TENM1: variants seen among roughly 807,000 people sequenced by gnomAD.
TENM1 encodes teneurin transmembrane protein 1, also known as teneurin-1.
Under a neutral mutation model 174.8 loss-of-function variants are expected in TENM1, and 35 were observed. That is an observed-to-expected ratio of 0.20 (90% CI 0.15 to 0.27). The LOEUF (loss-of-function observed/expected upper bound fraction) is 0.27. Among genes scored for constraint, TENM1 ranks in the 10% least tolerant of loss-of-function variants. The pLI is 1.00. For synonymous variants in TENM1, 781 were observed against 798.7 expected (o/e 0.98, Z 0.37); for missense variants, 1,633 against 2,130.1 (o/e 0.77, Z 4.59).
At chrX:124,471,396 A>AGT (rs2061321190) in intron 22 of TENM1, among the ~76,000 whole-genome samples, 1 of 28,544 alleles carries the variant, frequency 3.5e-5, no homozygotes, top group Non-Finnish European at 5.9e-5. Context: ...TACTATATAT[A>AGT]ATATATATTA....
intron 18 of TENM1, among the ~76,000 whole-genome samples, chrX:124,506,104 A>T (rs2047442191): frequency 1.8e-5 from 2 of 111,816 alleles, no homozygotes; most frequent in Non-Finnish European, 3.8e-5. Context: ...CCTTAAAGCC[A>T]TCATCTCCTT....
the TENM1 span, among the ~76,000 whole-genome samples, chrX:125,200,071 T>C: frequency 8.9e-6 from 1 of 111,815 alleles, no homozygotes; most frequent in African/African-American, 3.2e-5. Context: ...AAAAGCTGTG[T>C]GAAGCCTTTT....
chrX:125,181,416 G>T, the TENM1 span, among the ~76,000 whole-genome samples: 1 of 111,103 alleles, frequency 9.0e-6, no homozygotes, highest in African/African-American at 3.3e-5. Context: ...AAATCATTCT[G>T]GGTTGCAAAC....
At chrX:124,946,274 A>G (rs770091959) in intron 1 of TENM1, among the ~76,000 whole-genome samples, 8 of 112,230 alleles carry the variant, frequency 7.1e-5, no homozygotes, top group Non-Finnish European at 1.5e-4. Flanking sequence ...CAGATATGTT[A>G]AGTTTGAGAT....
chrX:124,658,058 G>A (rs2051492968), intron 6 of TENM1, among the ~76,000 whole-genome samples: 1 of 111,484 alleles, frequency 9.0e-6, no homozygotes, highest in African/African-American at 3.3e-5. Context: ...ATTTAGATTA[G>A]CAGTGCTTGG....
At chrX:125,010,078 C>T in the TENM1 span, among the ~76,000 whole-genome samples, 1 of 111,237 alleles carries the variant, frequency 9.0e-6, no homozygotes, top group African/African-American at 3.3e-5. Flanking sequence ...AAATAGGAAG[C>T]GAGGAAGTCA....
chrX:125,178,931 C>A, the TENM1 span, among the ~76,000 whole-genome samples: 1 of 109,341 alleles, frequency 9.1e-6, no homozygotes, highest in Non-Finnish European at 1.9e-5. Flanking sequence ...ATGATTGTGC[C>A]ATTCACTTCA....
chrX:124,805,861 T>C (rs2055583159), intron 3 of TENM1, among the ~76,000 whole-genome samples: 1 of 112,300 alleles, frequency 8.9e-6, no homozygotes, highest in South Asian at 3.7e-4. Context: ...AAAACTGGAA[T>C]AAGTAACTAT....
chrX:124,416,527 C>T (rs1393199479), intron 25 of TENM1, among the ~76,000 whole-genome samples: 3 of 111,984 alleles, frequency 2.7e-5, no homozygotes, highest in Non-Finnish European at 5.6e-5. Flanking sequence ...TATTTCTCAG[C>T]TATTATAAAT....
At chrX:124,737,282 G>A in intron 3 of TENM1, 85 bp from the exon 7 acceptor site, 3 of 1,014,108 alleles carry the variant, frequency 3.0e-6, no homozygotes, top group Non-Finnish European at 3.9e-6. Flanking sequence ...GACTTACCAG[G>A]ATTTCAGATA....
intron 18 of TENM1, among the ~76,000 whole-genome samples, chrX:124,513,601 G>A (rs1164099403): frequency 3.6e-5 from 4 of 112,290 alleles, no homozygotes; most frequent in Non-Finnish European, 7.5e-5. Context: ...AGTGTCAGAT[G>A]CAGCACTGTT....
chrX:125,116,917 A>G, the TENM1 span, among the ~76,000 whole-genome samples: 9 of 108,941 alleles, frequency 8.3e-5, no homozygotes, highest in African/African-American at 3.0e-4. Context: ...AGGCTGAAGC[A>G]GAAGAGTCAT....
the TENM1 span, among the ~76,000 whole-genome samples, chrX:125,055,066 A>G: frequency 8.9e-6 from 1 of 111,880 alleles, no homozygotes; most frequent in Non-Finnish European, 1.9e-5. Flanking sequence ...TTATTTCCAA[A>G]AAGAAAAAAA....
chrX:125,082,612 T>C, the TENM1 span, among the ~76,000 whole-genome samples: 1 of 111,295 alleles, frequency 9.0e-6, no homozygotes, highest in Non-Finnish European at 1.9e-5. Context: ...CTGGCTCCTG[T>C]ACTTCATTCA....
intron 5 of TENM1, among the ~76,000 whole-genome samples, chrX:124,672,537 A>G (rs1158821380): frequency 9.0e-6 from 1 of 111,544 alleles, no homozygotes; most frequent in East Asian, 2.8e-4. Context: ...ATGTGGCACC[A>G]TTTATTAAAT....
chrX:124,527,814 ATT>A (rs756753688), intron 16 of TENM1, among the ~76,000 whole-genome samples: 5 of 86,685 alleles, frequency 5.8e-5, no homozygotes, highest in Non-Finnish European at 6.8e-5. Context: ...ACGCCCAGCT[ATT>A]TTTTTTTTTT....
At chrX:124,575,443 A>G (rs752245628) in intron 11 of TENM1, among the ~76,000 whole-genome samples, 57 of 112,080 alleles carry the variant, frequency 5.1e-4, no homozygotes, top group Non-Finnish European at 8.6e-4. Flanking sequence ...ACAAATAGCA[A>G]CATACAAGCA....
the TENM1 span, among the ~76,000 whole-genome samples, chrX:124,985,288 T>C: frequency 8.9e-6 from 1 of 112,413 alleles, no homozygotes; most frequent in Non-Finnish European, 1.9e-5. Context: ...TCCTTGGAAG[T>C]GATGCAAAGC....
At chrX:124,675,686 G>T (rs2052054876) in intron 5 of TENM1, among the ~76,000 whole-genome samples, 1 of 107,235 alleles carries the variant, frequency 9.3e-6, no homozygotes, top group Non-Finnish European at 1.9e-5. Context: ...GAGGGTAGTG[G>T]GTTAAGACAG....
Sources: allele counts gnomAD v4.1 joint callset (sites outside exome capture counted in the v4.1 genomes callset), GRCh38; gene constraint gnomAD v4.1.1; transcripts MANE v1.5; gene names NCBI Gene and HGNC (gene_info 2026-07-23, HGNC 2026-07-21).